Variants in CSGALNACT1 observed in about 807,000 individuals in gnomAD.
CSGALNACT1 encodes chondroitin sulfate N-acetylgalactosaminyltransferase 1.
Under a neutral mutation model 51.0 loss-of-function variants are expected in CSGALNACT1, and 52 were observed. The observed-to-expected ratio is 1.02, with a 90% CI of 0.82 to 1.29. The LOEUF (loss-of-function observed/expected upper bound fraction) is 1.29. Among genes scored for constraint, CSGALNACT1 ranks in the 50% most tolerant of loss-of-function variants. The pLI, the probability that CSGALNACT1 is intolerant of heterozygous loss-of-function variation, is 0.00. For missense variants in CSGALNACT1, 935 were observed against 679.2 expected, an observed-to-expected ratio of 1.38 and a Z score of -4.19; for synonymous variants, 341 against 254.4, an observed-to-expected ratio of 1.34 and a Z score of -3.24.
intron 1 of CSGALNACT1, among the ~76,000 whole-genome samples, chr8:19,708,880 G>A (rs2154229551): frequency 6.6e-6 from 1 of 152,224 alleles, no homozygotes; most frequent in Non-Finnish European, 1.5e-5. Context: ...GGTGTCCCAA[G>A]GAGGTACAAA....
At chr8:19,552,011 C>A (rs541913994) in intron 3 of CSGALNACT1, among the ~76,000 whole-genome samples, 1 of 152,200 alleles carries the variant, frequency 6.6e-6, no homozygotes, top group East Asian at 1.9e-4. Flanking sequence ...CTGGATCATA[C>A]CCTGGCAAAA....
chr8:19,638,930 C>T (rs1165365014), intron 1 of CSGALNACT1, among the ~76,000 whole-genome samples: 1 of 152,022 alleles, frequency 6.6e-6, no homozygotes, highest in Non-Finnish European at 1.5e-5. Flanking sequence ...AAAACTACCA[C>T]ATACATAATT....
intron 3 of CSGALNACT1, among the ~76,000 whole-genome samples, chr8:19,535,440 A>G (rs897277004): frequency 4.6e-5 from 7 of 152,228 alleles, no homozygotes; most frequent in Non-Finnish European, 1.0e-4. Context: ...GGATCTCTCT[A>G]TAAGGGGTGA....
chr8:19,458,663 A>C (rs759983847), intron 4 of CSGALNACT1, 21 bp from the exon 4 acceptor site: 3 of 1,610,826 alleles, frequency 1.9e-6, no homozygotes, highest in Non-Finnish European at 2.5e-6. Flanking sequence ...AAAAACAAGG[A>C]AAGATAGTTC....
chr8:19,421,118 T>C (rs542749572), intron 6 of CSGALNACT1, among the ~76,000 whole-genome samples: 3 of 152,350 alleles, frequency 2.0e-5, no homozygotes, highest in African/African-American at 7.2e-5. Flanking sequence ...TACAGATAGC[T>C]CTGTGATCTA....
At chr8:19,569,946 A>G (rs539275194) in intron 3 of CSGALNACT1, among the ~76,000 whole-genome samples, 2 of 152,354 alleles carry the variant, frequency 1.3e-5, no homozygotes, top group African/African-American at 4.8e-5. Flanking sequence ...TCACACATAA[A>G]GGAAGATATA....
intron 5 of CSGALNACT1, among the ~76,000 whole-genome samples, chr8:19,447,256 G>C (rs1259012326): frequency 6.6e-6 from 1 of 152,188 alleles, no homozygotes; most frequent in Non-Finnish European, 1.5e-5. Context: ...TGTTAAGTCT[G>C]ACAGCTTTGA....
chr8:19,420,651 A>C (rs560210407), intron 6 of CSGALNACT1, 133 bp from the exon 6 acceptor site: 33 of 908,190 alleles, frequency 3.6e-5, no homozygotes, highest in Admixed American at 5.4e-5. Flanking sequence ...GGACTCCCCA[A>C]GAAGTTACAG....
intron 1 of CSGALNACT1, among the ~76,000 whole-genome samples, chr8:19,701,152 C>CCTTTTTTTTT (rs1230956394): frequency 1.8e-5 from 1 of 54,316 alleles, no homozygotes; most frequent in Non-Finnish European, 4.0e-5. Context: ...ATCTATTATC[C>CCTTTTTTTTT]GTTTTTTTTT....
chr8:19,619,891 C>T (rs571367980), intron 1 of CSGALNACT1, among the ~76,000 whole-genome samples: 6 of 152,286 alleles, frequency 3.9e-5, no homozygotes, highest in East Asian at 3.9e-4. Context: ...CAGATTAACT[C>T]GGGCTCAAAT....
chr8:19,672,702 C>T (rs1393347933), intron 1 of CSGALNACT1, among the ~76,000 whole-genome samples: 6 of 110,174 alleles, frequency 5.4e-5, no homozygotes, highest in Admixed American at 1.0e-4. Context: ...ACCAACATTC[C>T]GAATTCCAAC....
intron 4 of CSGALNACT1, among the ~76,000 whole-genome samples, chr8:19,501,205 G>C (rs2076355566): frequency 1.6e-5 from 2 of 124,260 alleles, no homozygotes; most frequent in East Asian, 2.5e-4. Flanking sequence ...AGCTGAGATA[G>C]AATCAGCCTG....
chr8:19,607,406 T>G (rs973172722), upstream of CSGALNACT1, among the ~76,000 whole-genome samples: 4 of 152,212 alleles, frequency 2.6e-5, no homozygotes, highest in African/African-American at 9.7e-5. Flanking sequence ...TGTTTGTCAT[T>G]GGCTGTGAGA....
upstream of CSGALNACT1, among the ~76,000 whole-genome samples, chr8:19,604,549 C>T (rs1366810362): frequency 6.6e-6 from 1 of 152,128 alleles, no homozygotes; most frequent in East Asian, 1.9e-4. Flanking sequence ...CGAGCCTTTG[C>T]TCTGTTGACT....
At chr8:19,485,366 T>C (rs1361892199) in intron 4 of CSGALNACT1, among the ~76,000 whole-genome samples, 1 of 152,100 alleles carries the variant, frequency 6.6e-6, no homozygotes, top group Admixed American at 6.5e-5. Context: ...TAGGCACTTC[T>C]AACCCCCTCC....
chr8:19,575,078 T>A (rs1389795210), intron 3 of CSGALNACT1, among the ~76,000 whole-genome samples: 1 of 152,136 alleles, frequency 6.6e-6, no homozygotes, highest in Non-Finnish European at 1.5e-5. Flanking sequence ...TATGACCGTT[T>A]TAGAGCTGTG....
chr8:19,604,949 T>C (rs2051158008), upstream of CSGALNACT1, among the ~76,000 whole-genome samples: 1 of 150,322 alleles, frequency 6.7e-6, no homozygotes, highest in African/African-American at 2.5e-5. Flanking sequence ...GTATGGGGCT[T>C]ACATAACACA....
intron 1 of CSGALNACT1, among the ~76,000 whole-genome samples, chr8:19,623,785 G>A (rs973916656): frequency 6.6e-6 from 1 of 152,166 alleles, no homozygotes; most frequent in African/African-American, 2.4e-5. Context: ...CCTTTCGGAG[G>A]GGAAATCTCT....
At chr8:19,753,019 C>T (rs993465566) in intron 1 of CSGALNACT1, among the ~76,000 whole-genome samples, 1 of 152,118 alleles carries the variant, frequency 6.6e-6, no homozygotes, top group African/African-American at 2.4e-5. Context: ...AGCTCTTGCC[C>T]AAACTAAATT....
Sources: gnomAD v4.1 joint callset for allele counts (sites outside exome capture counted in the v4.1 genomes callset) on GRCh38, gnomAD v4.1.1 for gene constraint, MANE v1.5 for transcripts, NCBI Gene and HGNC (gene_info 2026-07-23, HGNC 2026-07-21) for gene names.